The following DNAH17 variants were observed in gnomAD, a reference collection of about 807,000 sequenced individuals.
DNAH17 encodes the protein axonemal beta dynein heavy chain 17.
DNAH17 carries 376 observed loss-of-function variants against 485.6 expected under a neutral mutation model. The observed-to-expected ratio is 0.77, with a 90% CI of 0.71 to 0.84. The LOEUF is 0.84. DNAH17 is among the 40% of genes least tolerant of loss of function. The pLI, the probability that DNAH17 is intolerant of heterozygous loss-of-function variation, is 0.00. For synonymous variants in DNAH17, 3,031 were observed against 2,405.9 expected (o/e 1.26, Z -7.60); for missense variants, 6,370 against 5,839.3 (o/e 1.09, Z -2.96).
At chr17:78,488,841 A>T (rs369146604) in intron 44 of DNAH17, among the ~76,000 whole-genome samples, 1 of 152,000 alleles carries the variant, frequency 6.6e-6, no homozygotes, top group East Asian at 1.9e-4. Context: ...ACAGAGGCGG[A>T]GATGGGAGGG....
Position 78,544,800 on chromosome 17 carries a change from C to CAAAAAAAAA in DNAH17, c.2392-812_2392-804dup, listed in dbSNP as rs55669221. ...TGGGGCACAGAGCGAGACTCAGTCT[C>CAAAAAAAAA]AAAAAAAAAAAAAAAAAAAAAAAAG... On this transcript the variant is annotated intron_variant, in intron 16 of 80. Transcript: ENST00000389840. Among the ~76,000 whole-genome samples the CAAAAAAAAA allele has an allele frequency of 3.6e-4, 17 of 46,872 alleles. No homozygotes were observed. The East Asian group carries it at 4.3e-3, about 12-fold the overall frequency. 30.7% of individuals were successfully genotyped at this position (46,872 alleles called of 152,430 possible). A position where few individuals can be genotyped will look rare whatever the true frequency, so the allele number is the denominator to read the frequency against.
chr17:78,459,155 G>A lies in DNAH17; in HGVS notation c.9707C>T (p.Thr3236Met), dbSNP rs368848753. ...FDPEFIRSKSTAAAGLCSWCI... is the reference protein window; with the variant it reads ...FDPEFIRSKSMAAAGLCSWCI... Reference sequence around the variant, plus strand: ...CCAGGAGCACAGGCCGGCGGCGGCCGTGGACTTGGAGCGGATGAACTCGGG... The same window carrying A: ...CCAGGAGCACAGGCCGGCGGCGGCCATGGACTTGGAGCGGATGAACTCGGG... The change falls in exon 61 of 81, where the codon ACG (threonine) becomes ATG (methionine). Residue 3236 changes from threonine to methionine, a missense_variant. Physicochemically the swap from Thr to Met is moderately conservative, Grantham distance 81. Transcript: ENST00000389840. 5.8e-5 allele frequency: 93 copies of A among 1,613,886 alleles called. No homozygotes were observed. The highest frequency in any genetic ancestry group is 7.3e-5 in the Non-Finnish European group (86 of 1,179,912).
At chr17:78,563,107 C>T (rs2092192769) in intron 11 of DNAH17, among the ~76,000 whole-genome samples, 1 of 152,144 alleles carries the variant, frequency 6.6e-6, no homozygotes, top group Non-Finnish European at 1.5e-5. Context: ...TTTTTCAGGC[C>T]CCCAAGAGTA....
chr17:78,571,932 G>C, intron 3 of DNAH17, 150 bp from the exon 4 acceptor site: 1 of 716,788 alleles, frequency 1.4e-6, no homozygotes, highest in Non-Finnish European at 2.2e-6. Context: ...AGCCACCTCG[G>C]GGACGCTAAA....
intron 11 of DNAH17, among the ~76,000 whole-genome samples, chr17:78,563,834 G>A (rs1048932305): frequency 6.6e-6 from 1 of 152,062 alleles, no homozygotes; most frequent in African/African-American, 2.4e-5. Flanking sequence ...CAAACCAGGG[G>A]GAAAATGTTC....
chr17:78,514,972 G>A lies in DNAH17; in HGVS notation c.3915C>T (p.Asn1305=), dbSNP rs1264741430. The A allele has an allele frequency of 7.4e-6, 12 of 1,613,924 alleles. No individual in the cohort carries two copies. Among genetic ancestry groups the A allele is most frequent in the African/African-American group, 4.0e-5 (3 of 74,940 alleles). The change falls in exon 26 of 81, where the codon AAC becomes AAT. Residue 1305 remains asparagine (N), a synonymous_variant. Transcript: ENST00000389840. Reference sequence around the variant, plus strand: ...TACAATCTATGTCCATCTGCTCAACGTTGATATCTTTCCACTTGGTGGTCT... The same window carrying A: ...TACAATCTATGTCCATCTGCTCAACATTGATATCTTTCCACTTGGTGGTCT... ...DWKTTKWKDI[N]VEQMDIDCKK...
At chr17:78,458,707 G>A (rs747088180) in intron 61 of DNAH17, 27 bp from the exon 62 acceptor site, 3 of 1,592,980 alleles carry the variant, frequency 1.9e-6, no homozygotes, top group East Asian at 2.2e-5. Context: ...GAAAGCTGCT[G>A]GAAAACCCCA....
intron 72 of DNAH17, among the ~76,000 whole-genome samples, chr17:78,440,703 A>T (rs1044688465): frequency 6.6e-6 from 1 of 152,180 alleles, no homozygotes; most frequent in Non-Finnish European, 1.5e-5. Flanking sequence ...TGTGTAGAGT[A>T]CTTGCTTGAA....
chr17:78,556,245 ATCTG>A (rs1408583317), intron 14 of DNAH17, among the ~76,000 whole-genome samples: 1 of 151,868 alleles, frequency 6.6e-6, no homozygotes, highest in Non-Finnish European at 1.5e-5. Context: ...CCATCCTCCC[ATCTG>A]TCTATCCCAT....
rs59649497 is a variant in DNAH17 at position 78,558,927 on chromosome 17, C to T, written c.2032-673G>A. Among the ~76,000 whole-genome samples, 864 of 152,266 alleles carry T rather than the reference C, an allele frequency of 5.7e-3. 12 individuals are homozygous for T. The highest frequency in any genetic ancestry group is 0.019 in the African/African-American group (803 of 41,534). The stretch of plus-strand genomic sequence containing the variant: ...GCCTCATCTCATGGGATCGCCCAGC[C>T]GCTGGCACTCTTTCCTTCTGGGCAC... On this transcript the variant is annotated intron_variant, in intron 13 of 80. Transcript: ENST00000389840.
chr17:78,523,099 A>G (rs986649676), intron 25 of DNAH17, among the ~76,000 whole-genome samples: 5 of 151,944 alleles, frequency 3.3e-5, no homozygotes, highest in Non-Finnish European at 7.4e-5. Context: ...CAAGTGATCC[A>G]CCTGCCTCGG....
At chr17:78,542,299 C>T (rs1404216638) in intron 17 of DNAH17, among the ~76,000 whole-genome samples, 1 of 152,016 alleles carries the variant, frequency 6.6e-6, no homozygotes, top group Non-Finnish European at 1.5e-5. Flanking sequence ...AGGTTCCTAC[C>T]ACTATACCTG....
rs748047706 is a variant in DNAH17, at chr17:78,424,048, A to T, written c.13247T>A (p.Met4416Lys). ...ACACTCATAGATGTTCTTGGTCTCCATGCGGTCCACAGGAATGGCCTTGAT... is the reference window on the plus strand; with the variant it reads ...ACACTCATAGATGTTCTTGGTCTCCTTGCGGTCCACAGGAATGGCCTTGAT... The part of the protein sequence containing the change: ...IFIKAIPVDR[M>K]ETKNIYECPV... The change falls in exon 81 of 81, where the codon ATG becomes AAG. Residue 4416 changes from methionine to lysine, a missense_variant. Coordinates refer to ENST00000389840, the MANE Select transcript of DNAH17 (RefSeq NM_173628.4). The T allele has an allele frequency of 6.2e-7, 1 of 1,614,056 alleles. No homozygotes were observed. Among genetic ancestry groups the T allele is most frequent in the Admixed American group, 1.7e-5 (1 of 60,036 alleles).
rs894328233 is a variant in DNAH17 at position 78,460,691 on chromosome 17, G to A, written c.9340-434C>T. Among the ~76,000 whole-genome samples, 7 of 152,236 alleles carry A rather than the reference G, an allele frequency of 4.6e-5. No homozygotes were observed. In the South Asian group the frequency reaches 6.2e-4, roughly 14 times the overall value. On this transcript the variant is annotated intron_variant, in intron 58 of 80. Coordinates refer to ENST00000389840, the MANE Select transcript of DNAH17 (RefSeq NM_173628.4). ...CGACAGTTGGGTGGGATTCTGGAAT[G>A]GGAACTGTTCCTTCTATCGGCTTGA...
intron 11 of DNAH17, among the ~76,000 whole-genome samples, chr17:78,563,446 C>CA (rs2092201275): frequency 6.6e-6 from 1 of 151,922 alleles, no homozygotes; most frequent in Non-Finnish European, 1.5e-5. Context: ...TCCTGTAATG[C>CA]GGGTAGATGT....
chr17:78,457,457 CCTCATTGATAATTT>C (rs1465551278), intron 62 of DNAH17, among the ~76,000 whole-genome samples: 1 of 152,020 alleles, frequency 6.6e-6, no homozygotes, highest in African/African-American at 2.4e-5. Flanking sequence ...ACAGGAAATA[CCTCATTGATAATTT>C]TTATATTAGT....
chr17:78,449,664 C>A, intron 68 of DNAH17, 80 bp from the exon 69 acceptor site: 1 of 1,385,342 alleles, frequency 7.2e-7, no homozygotes, highest in East Asian at 2.5e-5. Context: ...TCCCTGCCAC[C>A]TGTGGTGGCC....
intron 71 of DNAH17, among the ~76,000 whole-genome samples, chr17:78,443,276 C>T (rs555446292): frequency 1.3e-5 from 2 of 152,346 alleles, no homozygotes; most frequent in East Asian, 1.9e-4. Context: ...CACACTCCCA[C>T]AGGAGAGGGT....
rs1568279903 is a variant in DNAH17 at position 78,574,902 on chromosome 17, C to T, written c.156G>A (p.Leu52=). 4 of 1,614,022 alleles carry T rather than the reference C, an allele frequency of 2.5e-6. No individual in the cohort carries two copies. Among genetic ancestry groups the T allele is most frequent in the Non-Finnish European group, 3.4e-6 (4 of 1,179,894 alleles). ...EFFEKPDVQV[L]VLTLNAAGMI... ...TGCCGGCTGCATTGAGCGTCAGCAC[C>T]AGCACCTGGACGTCGGGCTTTTCAA... The change falls in exon 2 of 81, where the codon CTG becomes CTA. Residue 52 remains leucine, a synonymous_variant. Coordinates refer to ENST00000389840, the MANE Select transcript of DNAH17 (RefSeq NM_173628.4).
Sources: allele counts gnomAD v4.1 joint callset (sites outside exome capture counted in the v4.1 genomes callset), GRCh38; gene constraint gnomAD v4.1.1; transcripts MANE v1.5; gene names NCBI Gene and HGNC (gene_info 2026-07-23, HGNC 2026-07-21).